DYNC2I1: variants seen among roughly 807,000 people sequenced by gnomAD.
The protein encoded by DYNC2I1 is cytoplasmic dynein 2 intermediate chain 1.
A neutral mutation model predicts 133.4 loss-of-function variants in DYNC2I1; 89 were observed. That is an observed-to-expected ratio of 0.67 (90% confidence interval 0.56 to 0.80). DYNC2I1 has a LOEUF of 0.80. DYNC2I1 is among the 30% of genes least tolerant of loss of function. The pLI is 0.00. For missense variants in DYNC2I1, 1,291 were observed against 1,314.5 expected (o/e 0.98, Z 0.28); for synonymous variants, 504 against 484.3 (o/e 1.04, Z -0.54).
At chr7:158,890,096 C>T (rs146344651) in intron 7 of DYNC2I1, among the ~76,000 whole-genome samples, 3 of 151,610 alleles carry the variant, frequency 2.0e-5, no homozygotes, top group East Asian at 3.9e-4. Flanking sequence ...GATCCTCTTG[C>T]CTCAGCCTCC....
At chr7:158,899,980 C>T (rs149368620) in intron 8 of DYNC2I1, among the ~76,000 whole-genome samples, 2,855 of 152,270 alleles carry the variant, frequency 0.019, 39 homozygotes, top group Non-Finnish European at 0.033. Context: ...GTCTTTATTT[C>T]TCCTTCACTT....
chr7:158,906,355 A>AT (rs1247599704), intron 11 of DYNC2I1, among the ~76,000 whole-genome samples: 3 of 152,230 alleles, frequency 2.0e-5, no homozygotes, highest in Admixed American at 1.3e-4. Flanking sequence ...AAATCGAGAA[A>AT]TTTGTAAAAT....
chr7:158,879,928 A>G lies in DYNC2I1; in HGVS notation c.818A>G (p.Gln273Arg), dbSNP rs2788478. The change falls in exon 5 of 25, where the codon CAA becomes CGA. Residue 273 changes from glutamine (Q) to arginine (R), a missense_variant. By Grantham distance (43) the Gln-to-Arg change is conservative (BLOSUM62 1). Coordinates refer to ENST00000407559, the MANE Select transcript of DYNC2I1 (RefSeq NM_018051.5). ...TTTCATTTTGATGATGAGAGGCACC[A>G]AAGCAACGTGGATAGAAAAGAGAAA... ...EGFHFDDERH[Q>R]SNVDRKEKSA... is the part of the protein sequence containing the mutation. 644,738 of 1,610,718 alleles carry G rather than the reference A, an allele frequency of 0.4. 136,177 individuals are homozygous for G. Among genetic ancestry groups the G allele is most frequent in the East Asian group, 0.7 (31,511 of 44,860 alleles).
chr7:158,933,729 C>T (rs1298506676), intron 21 of DYNC2I1, among the ~76,000 whole-genome samples: 1 of 152,206 alleles, frequency 6.6e-6, no homozygotes, highest in Non-Finnish European at 1.5e-5. Context: ...TTATGAGAAG[C>T]AGTCTGCTGC....
upstream of DYNC2I1, among the ~76,000 whole-genome samples, chr7:158,852,057 C>T (rs1176081668): frequency 6.6e-6 from 1 of 152,134 alleles, no homozygotes; most frequent in African/African-American, 2.4e-5. Flanking sequence ...GCCCTGCTAA[C>T]CCTACACAGG....
chr7:158,898,326 A>G (rs1170959863), intron 8 of DYNC2I1, among the ~76,000 whole-genome samples: 1 of 152,178 alleles, frequency 6.6e-6, no homozygotes, highest in Non-Finnish European at 1.5e-5. Flanking sequence ...CATTTCTGAT[A>G]GAGGGATGTT....
Position 158,915,128 on chromosome 7 carries a change from C to T in DYNC2I1, c.1791+807C>T, listed in dbSNP as rs541335918. The stretch of plus-strand genomic sequence containing the variant: ...TAAGGATGATTGTAAAACCTTGACA[C>T]GCTGGTTGAGATTAAGGATGATTGT... On this transcript the variant is annotated intron_variant, in intron 14 of 24. Coordinates refer to ENST00000407559, the MANE Select transcript of DYNC2I1 (RefSeq NM_018051.5). 6.7e-3 allele frequency among the ~76,000 whole-genome samples: 1,019 copies of T among 151,608 alleles called. 13 individuals carry two copies. Among genetic ancestry groups the T allele is most frequent in the African/African-American group, 0.023 (944 of 41,262 alleles).
chr7:158,901,162 C>T (rs190805322), intron 8 of DYNC2I1, among the ~76,000 whole-genome samples: 1 of 152,216 alleles, frequency 6.6e-6, no homozygotes, highest in African/African-American at 2.4e-5. Flanking sequence ...CGTCTGCCTC[C>T]CAGGCTCAAG....
chr7:158,940,706 G>T (rs1851255449), intron 23 of DYNC2I1, among the ~76,000 whole-genome samples: 3 of 152,100 alleles, frequency 2.0e-5, no homozygotes, highest in Non-Finnish European at 4.4e-5. Context: ...CAAACACATG[G>T]AAATTAAACA....
the DYNC2I1 span, among the ~76,000 whole-genome samples, chr7:158,841,217 A>ATATATATG: frequency 1.4e-5 from 1 of 69,128 alleles, no homozygotes; most frequent in African/African-American, 5.9e-5. Context: ...ATATATATAT[A>ATATATATG]TATATTTTAG....
chr7:158,867,006 T>C (rs1175989535), intron 1 of DYNC2I1, among the ~76,000 whole-genome samples: 1 of 150,764 alleles, frequency 6.6e-6, no homozygotes, highest in Non-Finnish European at 1.5e-5. Context: ...ATTTTTCATT[T>C]GGACTAAATC....
At chr7:158,869,135 C>T (rs575559816) in intron 1 of DYNC2I1, among the ~76,000 whole-genome samples, 7 of 152,258 alleles carry the variant, frequency 4.6e-5, no homozygotes, top group South Asian at 4.1e-4. Context: ...CTGCGGGAGC[C>T]GTGCCTCTCA....
At chr7:158,915,400 C>T (rs200655472) in intron 14 of DYNC2I1, among the ~76,000 whole-genome samples, 1 of 39,818 alleles carries the variant, frequency 2.5e-5, no homozygotes, top group African/African-American at 9.7e-5. Flanking sequence ...TGCTGGTTGA[C>T]ATTAAGGATG....
rs1563085900 is a variant in DYNC2I1 at position 158,871,455 on chromosome 7, G to A, written c.383G>A (p.Arg128Lys). ...GKDREKEKDRRARKEELRQTV... is the reference protein window; with the variant it reads ...GKDREKEKDRKARKEELRQTV... The stretch of plus-strand genomic sequence containing the variant: ...GACAGGGAAAAAGAAAAAGACAGAA[G>A]GGCCCGGAAGGAAGAGCTCCGGCAG... Residue 128 changes from arginine (R) to lysine (K), a missense_variant, in exon 3 of 25, where the codon AGG becomes AAG. Arg to Lys is a conservative substitution (Grantham distance 26, BLOSUM62 2). Coordinates refer to ENST00000407559, the MANE Select transcript of DYNC2I1 (RefSeq NM_018051.5). 1.3e-6 allele frequency: 2 copies of A among 1,550,306 alleles called. No homozygotes were observed. Among genetic ancestry groups the A allele is most frequent in the Non-Finnish European group, 1.7e-6 (2 of 1,146,934 alleles).
chr7:158,918,905 G>A, intron 15 of DYNC2I1, 36 bp downstream of exon 15: 1 of 1,594,528 alleles, frequency 6.3e-7, no homozygotes, highest in Non-Finnish European at 8.6e-7. Context: ...TTTAAATCCA[G>A]TGACTAAACA....
At chr7:158,939,641 A>T (rs772151844) in intron 23 of DYNC2I1, among the ~76,000 whole-genome samples, 1 of 152,214 alleles carries the variant, frequency 6.6e-6, no homozygotes, top group African/African-American at 2.4e-5. Context: ...CACTGAATGT[A>T]AATGGTCTCA....
intron 11 of DYNC2I1, among the ~76,000 whole-genome samples, chr7:158,910,287 C>T (rs1349414182): frequency 4.6e-5 from 7 of 151,322 alleles, no homozygotes; most frequent in African/African-American, 1.2e-4. Flanking sequence ...GGCCATCGGC[C>T]GTGTCAGGCC....
chr7:158,866,482 T>A (rs1386148749), intron 1 of DYNC2I1, among the ~76,000 whole-genome samples: 1 of 152,014 alleles, frequency 6.6e-6, no homozygotes, highest in Non-Finnish European at 1.5e-5. Context: ...GGTTGGACTG[T>A]CCCCGAGTAT....
At chr7:158,917,191 T>C (rs1269417286) in intron 14 of DYNC2I1, among the ~76,000 whole-genome samples, 10 of 142,084 alleles carry the variant, frequency 7.0e-5, no homozygotes, top group East Asian at 2.0e-4. Flanking sequence ...TAAGGATGAT[T>C]GTGAAACGTC....
Sources: allele counts gnomAD v4.1 joint callset (sites outside exome capture counted in the v4.1 genomes callset), GRCh38; gene constraint gnomAD v4.1.1; transcripts MANE v1.5; gene names NCBI Gene and HGNC (gene_info 2026-07-23, HGNC 2026-07-21).